Variants in TIAM2 observed in about 807,000 individuals in gnomAD.
TIAM2 encodes TIAM Rac1 associated GEF 2.
In TIAM2, 80 loss-of-function variants were observed where a neutral mutation model predicts 152.9. That is an observed-to-expected ratio of 0.52 (90% CI 0.44 to 0.63). The LOEUF is 0.63. Among genes scored for constraint, TIAM2 ranks in the 30% least tolerant of loss-of-function variants. TIAM2 has a pLI of 0.00. For synonymous variants in TIAM2, 804 were observed against 838.0 expected (o/e 0.96, Z 0.70); for missense variants, 1,965 against 2,120.1 (o/e 0.93, Z 1.44).
chr6:155,196,545 G>T lies in TIAM2; in HGVS notation c.3064+13045G>T, dbSNP rs1271913508. 2.6e-5 allele frequency among the ~76,000 whole-genome samples: 4 copies of T among 152,234 alleles called. No individual in the cohort carries two copies. In the East Asian group the frequency reaches 7.7e-4, roughly 29 times the overall value. On this transcript the variant is annotated intron_variant, in intron 14 of 26. Transcript: ENST00000682666. ...GGAATCTTAATAATCTTACCTAGAA[G>T]ATGCTCTAAATGGTAAATGAATTTA... is the stretch of plus-strand genomic sequence containing the variant.
intron 1 of TIAM2, among the ~76,000 whole-genome samples, chr6:155,055,963 C>CA (rs1195719105): frequency 3.3e-5 from 5 of 151,704 alleles, no homozygotes; most frequent in Admixed American, 2.0e-4. Context: ...AACCCTGACT[C>CA]AAAAAACAAA....
chr6:155,220,083 C>T (rs1473756583), intron 15 of TIAM2, among the ~76,000 whole-genome samples: 1 of 152,218 alleles, frequency 6.6e-6, no homozygotes, highest in Non-Finnish European at 1.5e-5. Flanking sequence ...GCTGATTCCT[C>T]CTGCCAAGTG....
intron 2 of TIAM2, among the ~76,000 whole-genome samples, chr6:155,100,205 TTG>T (rs1778524149): frequency 6.6e-6 from 1 of 152,160 alleles, no homozygotes; most frequent in South Asian, 2.1e-4. Context: ...TCGTCTGACT[TTG>T]TGGCTGTGAG....
chr6:155,031,390 G>T (rs1306446030), intron 1 of TIAM2, among the ~76,000 whole-genome samples: 1 of 152,040 alleles, frequency 6.6e-6, no homozygotes, highest in Non-Finnish European at 1.5e-5. Context: ...ATATTTTTTA[G>T]TAGCTGTCTC....
At chr6:155,179,549 A>G (rs1009056436) in intron 12 of TIAM2, 93 bp downstream of exon 12, 3 of 1,163,084 alleles carry the variant, frequency 2.6e-6, no homozygotes, top group African/African-American at 3.1e-5. Flanking sequence ...TTCCCCTTAC[A>G]TTCACATTTT....
chr6:155,110,313 C>CTTTTTTTTTTTTTTT (rs1488922028), intron 2 of TIAM2, among the ~76,000 whole-genome samples: 1 of 90,370 alleles, frequency 1.1e-5, no homozygotes, highest in African/African-American at 4.9e-5. Flanking sequence ...TTTCCTCTTT[C>CTTTTTTTTTTTTTTT]TTTTCTTTTT....
intron 1 of TIAM2, among the ~76,000 whole-genome samples, chr6:155,075,951 G>A (rs980215255): frequency 2.0e-5 from 3 of 152,072 alleles, no homozygotes; most frequent in African/African-American, 7.2e-5. Context: ...AACGTGTAGC[G>A]AAGCAACAGC....
At chr6:155,089,422 G>A (rs9478612) in intron 1 of TIAM2, among the ~76,000 whole-genome samples, 2 of 152,066 alleles carry the variant, frequency 1.3e-5, no homozygotes, top group African/African-American at 4.8e-5. Context: ...GGCCAGAGTG[G>A]TCTCAAACTC....
chr6:155,041,653 G>A (rs1361236543), intron 1 of TIAM2, among the ~76,000 whole-genome samples: 1 of 152,248 alleles, frequency 6.6e-6, no homozygotes, highest in East Asian at 1.9e-4. Flanking sequence ...ATAGACAGAT[G>A]CCTAAAATTC....
chr6:155,217,451 A>T lies in TIAM2; in HGVS notation c.3168+6144A>T, dbSNP rs146288050. Reference sequence around the variant, plus strand: ...TACTCTACAAAATATGCTTGAAAAGACAGGGAGGAATAATTTGAATATAGC... The same window carrying T: ...TACTCTACAAAATATGCTTGAAAAGTCAGGGAGGAATAATTTGAATATAGC... On this transcript the variant is annotated intron_variant, in intron 15 of 26. Coordinates refer to ENST00000682666, the MANE Select transcript of TIAM2 (RefSeq NM_012454.4). 3.6e-3 allele frequency among the ~76,000 whole-genome samples: 554 copies of T among 152,380 alleles called. 3 individuals carry two copies. The highest frequency in any genetic ancestry group is 0.013 in the African/African-American group (524 of 41,592).
intron 15 of TIAM2, among the ~76,000 whole-genome samples, chr6:155,211,628 G>A (rs1781722508): frequency 6.6e-6 from 1 of 151,154 alleles, no homozygotes; most frequent in Non-Finnish European, 1.5e-5. Context: ...TTGTCAAAAG[G>A]TGTTAATTAC....
chr6:155,212,923 A>G (rs1781758389), intron 15 of TIAM2, among the ~76,000 whole-genome samples: 1 of 152,168 alleles, frequency 6.6e-6, no homozygotes. Flanking sequence ...CTGTGAAGCT[A>G]CGGCTGGATC....
At chr6:155,002,863 G>GT (rs35428302) in intron 1 of TIAM2, among the ~76,000 whole-genome samples, 39,748 of 147,850 alleles carry the variant, frequency 0.27, 5,432 homozygotes, top group East Asian at 0.44. Flanking sequence ...GTGTGTGTGT[G>GT]TTTTTTTTTT....
In TIAM2 at chr6:155,152,998, A is replaced by G. The variant is rs115459186; in HGVS notation, c.2028+4664A>G. Among the ~76,000 whole-genome samples, 824 of 152,336 alleles carry G rather than the reference A, an allele frequency of 5.4e-3. 10 individuals are homozygous for G. The highest frequency in any genetic ancestry group is 0.018 in the African/African-American group (769 of 41,570). ...GGAGGTTACTTGAACATAAACCCTT[A>G]CATAAATCCAGGGGTCTGGATGGTC... On this transcript the variant is annotated intron_variant, in intron 7 of 26. Coordinates refer to ENST00000682666, the MANE Select transcript of TIAM2 (RefSeq NM_012454.4).
At chr6:155,242,212 C>T (rs988810859) in intron 16 of TIAM2, among the ~76,000 whole-genome samples, 2 of 152,242 alleles carry the variant, frequency 1.3e-5, no homozygotes, top group African/African-American at 2.4e-5. Context: ...CCAGGCAGCA[C>T]CAGCCTGTGA....
chr6:155,073,790 A>G (rs1253799903), intron 1 of TIAM2, among the ~76,000 whole-genome samples: 1 of 152,250 alleles, frequency 6.6e-6, no homozygotes, highest in Non-Finnish European at 1.5e-5. Flanking sequence ...CCTGCAGTAG[A>G]TACCCTTAGA....
intron 15 of TIAM2, among the ~76,000 whole-genome samples, chr6:155,220,184 C>T (rs2115238393): frequency 6.6e-6 from 1 of 152,362 alleles, no homozygotes. Flanking sequence ...GAGAAATTGC[C>T]AGCAACAGGA....
Position 155,033,095 on chromosome 6 carries a change from G to T in TIAM2, c.-209+37603G>T, listed in dbSNP as rs9480023. Among the ~76,000 whole-genome samples, 481 of 152,196 alleles carry T rather than the reference G, an allele frequency of 3.2e-3. 2 individuals are homozygous for T. Among genetic ancestry groups the T allele is most frequent in the African/African-American group, 0.011 (439 of 41,526 alleles). On this transcript the variant is annotated intron_variant, in intron 1 of 26. Transcript: ENST00000682666. ...ACTGGTCTAGATTTTCCTTGTTCCCGGGTCTTCTCGTTGCCTTCCTGAACA... is the reference window on the plus strand; with the variant it reads ...ACTGGTCTAGATTTTCCTTGTTCCCTGGTCTTCTCGTTGCCTTCCTGAACA...
At chr6:155,136,841 AG>A (rs746822151) in intron 4 of TIAM2, among the ~76,000 whole-genome samples, 27 of 152,372 alleles carry the variant, frequency 1.8e-4, no homozygotes, top group South Asian at 4.1e-4. Context: ...TTAGCAATGA[AG>A]AAAGAAATAT....
Sources: gnomAD v4.1 joint callset for allele counts (sites outside exome capture counted in the v4.1 genomes callset) on GRCh38, gnomAD v4.1.1 for gene constraint, MANE v1.5 for transcripts, NCBI Gene and HGNC (gene_info 2026-07-23, HGNC 2026-07-21) for gene names.